SGCZ: variants seen among roughly 807,000 people sequenced by gnomAD.
The protein encoded by SGCZ is zeta-sarcoglycan.
In SGCZ, 40 loss-of-function variants were observed where a neutral mutation model predicts 41.3. The ratio of observed to expected loss-of-function variants is 0.97; its 90% CI spans 0.75 to 1.26. The LOEUF is 1.26. Ranked by LOEUF, SGCZ falls within the 50% of genes most tolerant of loss-of-function variation. SGCZ has a pLI of 0.00. For missense variants in SGCZ, 552 were observed against 369.8 expected (o/e 1.49, Z -4.04); for synonymous variants, 206 against 137.5 (o/e 1.50, Z -3.49).
chr8:14,576,839 G>T (rs752456827), intron 1 of SGCZ, among the ~76,000 whole-genome samples: 3 of 152,064 alleles, frequency 2.0e-5, no homozygotes, highest in Non-Finnish European at 1.5e-5. Context: ...CCTACTTTTG[G>T]GTTTATAAGA....
chr8:14,621,328 C>A (rs1806278442), intron 1 of SGCZ, among the ~76,000 whole-genome samples: 1 of 150,672 alleles, frequency 6.6e-6, no homozygotes, highest in Admixed American at 6.6e-5. Context: ...AGGAGATATA[C>A]CTAATGTAAA....
At chr8:14,529,946 GA>G (rs1329539874) in intron 2 of SGCZ, among the ~76,000 whole-genome samples, 1 of 152,024 alleles carries the variant, frequency 6.6e-6, no homozygotes, top group African/African-American at 2.4e-5. Flanking sequence ...TGCAATTAAA[GA>G]AAAATTACTT....
intron 7 of SGCZ, among the ~76,000 whole-genome samples, chr8:14,096,222 T>A (rs915610597): frequency 6.6e-6 from 1 of 152,188 alleles, no homozygotes; most frequent in Non-Finnish European, 1.5e-5. Flanking sequence ...CCATTCCTTA[T>A]GACATTTGCT....
At chr8:14,187,322 C>G (rs922681730) in intron 4 of SGCZ, among the ~76,000 whole-genome samples, 2 of 151,834 alleles carry the variant, frequency 1.3e-5, no homozygotes, top group African/African-American at 2.4e-5. Flanking sequence ...TTTTAAAAAC[C>G]CGAGAAAAGT....
chr8:15,166,054 T>C (rs927885274), intron 1 of SGCZ, among the ~76,000 whole-genome samples: 1 of 152,196 alleles, frequency 6.6e-6, no homozygotes, highest in Non-Finnish European at 1.5e-5. Flanking sequence ...ATATCGAGTG[T>C]TTTAAACCTC....
At chr8:14,350,537 C>A (rs568478332) in intron 2 of SGCZ, among the ~76,000 whole-genome samples, 3 of 152,132 alleles carry the variant, frequency 2.0e-5, no homozygotes, top group East Asian at 1.9e-4. Flanking sequence ...AGATGTGATA[C>A]CCCATCTATT....
intron 2 of SGCZ, among the ~76,000 whole-genome samples, chr8:14,466,595 T>C (rs1481615446): frequency 6.6e-6 from 1 of 151,872 alleles, no homozygotes; most frequent in Non-Finnish European, 1.5e-5. Flanking sequence ...CATATTGCTC[T>C]GCTTGATGGT....
chr8:15,078,099 G>T (rs1486717381), intron 1 of SGCZ, among the ~76,000 whole-genome samples: 1 of 150,194 alleles, frequency 6.7e-6, no homozygotes, highest in Non-Finnish European at 1.5e-5. Flanking sequence ...GTTGTGTGTG[G>T]TGGCCTGATT....
chr8:14,717,897 T>C (rs1809743530), intron 1 of SGCZ, among the ~76,000 whole-genome samples: 1 of 151,898 alleles, frequency 6.6e-6, no homozygotes, highest in Non-Finnish European at 1.5e-5. Context: ...TTTGTGGACA[T>C]AAAATCTGCA....
intron 5 of SGCZ, among the ~76,000 whole-genome samples, chr8:14,143,493 A>T (rs1803433308): frequency 1.3e-5 from 2 of 152,342 alleles, no homozygotes; most frequent in South Asian, 4.1e-4. Flanking sequence ...GGATATAAGA[A>T]CACATTAGAA....
intron 3 of SGCZ, among the ~76,000 whole-genome samples, chr8:14,239,025 A>T (rs1318712652): frequency 6.6e-6 from 1 of 151,314 alleles, no homozygotes; most frequent in Non-Finnish European, 1.5e-5. Flanking sequence ...AAAGAAAAAA[A>T]AGTCTAGTTT....
chr8:14,822,620 T>G (rs370766860), intron 1 of SGCZ, among the ~76,000 whole-genome samples: 6 of 151,958 alleles, frequency 3.9e-5, no homozygotes, highest in African/African-American at 1.5e-4. Context: ...GGTGGTGGTA[T>G]AAAAACAGAT....
intron 1 of SGCZ, among the ~76,000 whole-genome samples, chr8:15,170,194 CA>C (rs1464502142): frequency 6.6e-6 from 1 of 152,192 alleles, no homozygotes; most frequent in Non-Finnish European, 1.5e-5. Flanking sequence ...CTCTCTGACA[CA>C]CCTTGTCTGT....
chr8:14,166,556 C>G (rs1299767750), intron 4 of SGCZ, among the ~76,000 whole-genome samples: 1 of 152,068 alleles, frequency 6.6e-6, no homozygotes. Flanking sequence ...CATAAAACCT[C>G]AATATTTACA....
chr8:15,231,213 C>T (rs1423455768), intron 1 of SGCZ, among the ~76,000 whole-genome samples: 1 of 152,164 alleles, frequency 6.6e-6, no homozygotes, highest in Admixed American at 6.5e-5. Flanking sequence ...ATAATTAAAG[C>T]TTTTCTGGCT....
At chr8:14,380,359 A>C (rs1161301341) in intron 2 of SGCZ, among the ~76,000 whole-genome samples, 1 of 152,066 alleles carries the variant, frequency 6.6e-6, no homozygotes, top group East Asian at 1.9e-4. Context: ...ATATTTTTCT[A>C]GTGTTGAATG....
chr8:14,832,070 A>C (rs1377785081), intron 1 of SGCZ, among the ~76,000 whole-genome samples: 1 of 152,170 alleles, frequency 6.6e-6, no homozygotes, highest in Non-Finnish European at 1.5e-5. Context: ...TTTCAATGAA[A>C]ACGACAATAA....
At chr8:15,162,682 C>T (rs1245832478) in intron 1 of SGCZ, among the ~76,000 whole-genome samples, 1 of 152,146 alleles carries the variant, frequency 6.6e-6, no homozygotes, top group East Asian at 1.9e-4. Context: ...GGATTATATC[C>T]AGGACACCTT....
At chr8:15,190,016 T>C (rs1217920463) in intron 1 of SGCZ, among the ~76,000 whole-genome samples, 1 of 152,170 alleles carries the variant, frequency 6.6e-6, no homozygotes, top group Non-Finnish European at 1.5e-5. Flanking sequence ...TACCATTCTT[T>C]CTTGTCACTC....
Sources: allele counts gnomAD v4.1 joint callset (sites outside exome capture counted in the v4.1 genomes callset), GRCh38; gene constraint gnomAD v4.1.1; transcripts MANE v1.5; gene names NCBI Gene and HGNC (gene_info 2026-07-23, HGNC 2026-07-21).